The following DNAH3 variants were observed in gnomAD, a reference collection of about 807,000 sequenced individuals.
DNAH3 encodes the protein dynein axonemal heavy chain 3, also known as axonemal beta dynein heavy chain 3.
Under a neutral mutation model 432.5 loss-of-function variants are expected in DNAH3, and 332 were observed. That is an observed-to-expected ratio of 0.77 (90% CI 0.70 to 0.84). The LOEUF (loss-of-function observed/expected upper bound fraction) is 0.84. Among genes scored for constraint, DNAH3 ranks in the 40% least tolerant of loss-of-function variants. The pLI is 0.00. For synonymous variants in DNAH3, 1,956 were observed against 1,900.2 expected, an observed-to-expected ratio of 1.03 and a Z score of -0.76; for missense variants, 4,861 against 5,114.0, an observed-to-expected ratio of 0.95 and a Z score of 1.51.
intron 52 of DNAH3, among the ~76,000 whole-genome samples, chr16:20,969,165 T>C (rs1221280463): frequency 1.3e-5 from 2 of 151,684 alleles, no homozygotes; most frequent in African/African-American, 4.8e-5. Flanking sequence ...CTGGTCCCCC[T>C]GTCCCTTTGG....
chr16:21,018,972 A>G (rs2088004103), intron 41 of DNAH3, among the ~76,000 whole-genome samples: 2 of 152,122 alleles, frequency 1.3e-5, no homozygotes, highest in African/African-American at 4.8e-5. Context: ...GTCAACACAC[A>G]CAGAAATAGA....
chr16:20,944,747 A>G (rs1282089285), intron 57 of DNAH3, 84 bp from the exon 58 acceptor site: 4 of 1,327,952 alleles, frequency 3.0e-6, no homozygotes. Context: ...CCCAATCAGA[A>G]CAGGAATCAT....
exon 53 of DNAH3, chr16:20,964,432 C>T: frequency 1.2e-6 from 2 of 1,614,170 alleles, no homozygotes; most frequent in South Asian, 1.1e-5. Context: ...GTACTCAACT[C>T]CTTGCTGTTT....
exon 44 of DNAH3, chr16:20,997,312 G>T: frequency 6.2e-7 from 1 of 1,614,054 alleles, no homozygotes; most frequent in South Asian, 1.1e-5. Context: ...TCCCCCGGGG[G>T]GCCCCATGGC....
chr16:21,074,525 C>T (rs1001644387), intron 21 of DNAH3, among the ~76,000 whole-genome samples: 2 of 151,884 alleles, frequency 1.3e-5, no homozygotes, highest in South Asian at 2.1e-4. Context: ...ACCAGCCTGG[C>T]CAACATGATG....
At chr16:21,005,453 T>C (rs998200585) in intron 41 of DNAH3, among the ~76,000 whole-genome samples, 1 of 151,972 alleles carries the variant, frequency 6.6e-6, no homozygotes, top group Non-Finnish European at 1.5e-5. Context: ...GCAATCACAA[T>C]TCACTACAGC....
At chr16:21,094,022 A>G (rs2091609069) in intron 18 of DNAH3, among the ~76,000 whole-genome samples, 1 of 152,198 alleles carries the variant, frequency 6.6e-6, no homozygotes, top group Admixed American at 6.5e-5. Flanking sequence ...TAGAGATGAT[A>G]CCAAGAGCAC....
At chr16:21,018,271 A>G (rs2087964814) in intron 41 of DNAH3, among the ~76,000 whole-genome samples, 1 of 152,182 alleles carries the variant, frequency 6.6e-6, no homozygotes, top group African/African-American at 2.4e-5. Context: ...TTACAATCAC[A>G]AAAAGTAAAG....
chr16:21,092,510 T>C (rs916403228), intron 18 of DNAH3, among the ~76,000 whole-genome samples: 2 of 151,696 alleles, frequency 1.3e-5, no homozygotes, highest in African/African-American at 4.8e-5. Flanking sequence ...AATGGAAAAC[T>C]ATAAAATTCC....
At chr16:20,973,147 A>C (rs117069760) in intron 51 of DNAH3, among the ~76,000 whole-genome samples, 235 of 152,214 alleles carry the variant, frequency 1.5e-3, no homozygotes, top group Middle Eastern at 0.014. Flanking sequence ...TGTTAAGGTA[A>C]GTGCCATGAA....
intron 1 of DNAH3, among the ~76,000 whole-genome samples, chr16:21,153,922 C>T (rs1006606284): frequency 6.6e-6 from 1 of 152,176 alleles, no homozygotes; most frequent in African/African-American, 2.4e-5. Flanking sequence ...TGAGCTTTTC[C>T]ATCTCTTATA....
intron 7 of DNAH3, chr16:21,129,102 C>G (rs2152818833): frequency 6.5e-6 from 1 of 152,860 alleles, no homozygotes; most frequent in Non-Finnish European, 1.5e-5. Context: ...TGCTCTGCAC[C>G]CTATGCCATC....
At chr16:21,041,829 T>C (rs1221522791) in intron 32 of DNAH3, among the ~76,000 whole-genome samples, 198 bp downstream of exon 32, 1 of 152,140 alleles carries the variant, frequency 6.6e-6, no homozygotes, top group Non-Finnish European at 1.5e-5. Flanking sequence ...CATGCCACCA[T>C]GCCCGGCTAA....
At chr16:20,997,176 C>A (rs141162767) in intron 44 of DNAH3, 107 bp downstream of exon 44, 131 of 1,072,232 alleles carry the variant, frequency 1.2e-4, no homozygotes, top group Non-Finnish European at 1.5e-4. Flanking sequence ...GCTCCTGCCA[C>A]GTGGTTTGGC....
intron 50 of DNAH3, among the ~76,000 whole-genome samples, chr16:20,978,375 A>G (rs1465651441): frequency 1.3e-5 from 2 of 152,134 alleles, no homozygotes; most frequent in Non-Finnish European, 2.9e-5. Context: ...CTAAAAATAC[A>G]AAAATTAGCT....
intron 5 of DNAH3, among the ~76,000 whole-genome samples, chr16:21,137,989 T>C (rs2092666629): frequency 6.6e-6 from 1 of 152,002 alleles, no homozygotes; most frequent in Admixed American, 6.6e-5. Context: ...GGCTCATGCC[T>C]GTAATCCCAG....
intron 41 of DNAH3, among the ~76,000 whole-genome samples, chr16:21,003,580 C>T (rs1281148219): frequency 2.6e-5 from 4 of 152,004 alleles, no homozygotes; most frequent in African/African-American, 4.8e-5. Flanking sequence ...CGAGACCAGC[C>T]TCGCCAACAG....
At chr16:21,005,391 C>CT (rs1376986847) in intron 41 of DNAH3, among the ~76,000 whole-genome samples, 1 of 123,462 alleles carries the variant, frequency 8.1e-6, no homozygotes, top group Admixed American at 9.2e-5. Context: ...TTTTTTCTTT[C>CT]TTTTTTGAGA....
At chr16:21,010,542 G>T (rs2087542696) in intron 41 of DNAH3, among the ~76,000 whole-genome samples, 1 of 152,068 alleles carries the variant, frequency 6.6e-6, no homozygotes, top group African/African-American at 2.4e-5. Flanking sequence ...ATCCCACAAG[G>T]GTCTGCTTGC....
Sources: gnomAD v4.1 joint callset for allele counts (sites outside exome capture counted in the v4.1 genomes callset) on GRCh38, gnomAD v4.1.1 for gene constraint, MANE v1.5 for transcripts, NCBI Gene and HGNC (gene_info 2026-07-23, HGNC 2026-07-21) for gene names.